KRIT1: variants seen among roughly 807,000 people sequenced by gnomAD.
KRIT1 encodes the protein krev interaction trapped protein 1.
KRIT1 carries 45 observed loss-of-function variants against 95.8 expected under a neutral mutation model. The observed-to-expected ratio is 0.47, with a 90% CI of 0.37 to 0.60. The LOEUF (loss-of-function observed/expected upper bound fraction) is 0.60. Ranked by LOEUF, KRIT1 falls within the 20% of genes least tolerant of loss-of-function variation. The probability of loss-of-function intolerance (pLI) is 0.00; values close to 1 mark genes in which losing one functional copy is unlikely to be tolerated. For synonymous variants in KRIT1, 282 were observed against 278.8 expected (o/e 1.01, Z -0.11); for missense variants, 788 against 877.5 (o/e 0.90, Z 1.29).
At chr7:92,202,894 C>T (rs1392696654) in intron 17 of KRIT1, among the ~76,000 whole-genome samples, 4 of 152,164 alleles carry the variant, frequency 2.6e-5, no homozygotes, top group Admixed American at 2.6e-4. Flanking sequence ...AAAATAGCTA[C>T]TTATCAAGGT....
At chr7:92,226,396 A>G in intron 11 of KRIT1, 130 bp downstream of exon 11, 1 of 732,928 alleles carries the variant, frequency 1.4e-6, no homozygotes, top group South Asian at 1.6e-5. Context: ...TCCGTTACTT[A>G]TTCTATAAAG....
At chr7:92,214,561 A>C (rs1793557223) in intron 15 of KRIT1, 50 bp downstream of exon 15, 1 of 1,391,668 alleles carries the variant, frequency 7.2e-7, no homozygotes, top group South Asian at 1.2e-5. Flanking sequence ...TTCTTGGTTA[A>C]ACAGAATCTT....
intron 5 of KRIT1, among the ~76,000 whole-genome samples, chr7:92,238,496 A>G (rs903821525): frequency 6.6e-6 from 1 of 152,226 alleles, no homozygotes; most frequent in Non-Finnish European, 1.5e-5. Context: ...ATCAGAGCCA[A>G]TATTTGTGAT....
rs530673335 is a variant in KRIT1 at position 92,199,720 on chromosome 7, G to A, written c.*1016C>T. On this transcript the variant is annotated 3_prime_UTR_variant, in exon 19 of 19. Coordinates refer to ENST00000394505, the MANE Select transcript of KRIT1 (RefSeq NM_194454.3). ...GTGAAATTTCTCAACTTTAATAATCGAAATTCCTTATTGGGTCTGAAATTA... is the reference window on the plus strand; with the variant it reads ...GTGAAATTTCTCAACTTTAATAATCAAAATTCCTTATTGGGTCTGAAATTA... 3 of 152,206 alleles carry A rather than the reference G, an allele frequency of 2.0e-5. No homozygotes were observed. Among genetic ancestry groups the A allele is most frequent in the South Asian group, 2.1e-4 (1 of 4,824 alleles). 9.4% of individuals were successfully genotyped at this position (152,206 alleles called of 1,614,324 possible).
intron 5 of KRIT1, among the ~76,000 whole-genome samples, chr7:92,238,880 G>C (rs559426237): frequency 1.3e-5 from 2 of 152,102 alleles, no homozygotes; most frequent in Admixed American, 1.3e-4. Context: ...ACTACCTATC[G>C]ACAGGACCAA....
chr7:92,238,691 T>C lies in KRIT1; in HGVS notation c.263-932A>G, dbSNP rs1343033588. Among the ~76,000 whole-genome samples, 3 of 152,316 alleles carry C rather than the reference T, an allele frequency of 2.0e-5. No individual in the cohort carries two copies. The East Asian group carries it at 5.8e-4, about 29-fold the overall frequency. ...GCTGTTTCCCCAAATCCAGTTACGA[T>C]CCATTATTTAAATGCCTATTTTGCA... On this transcript the variant is annotated intron_variant, in intron 5 of 18. Coordinates refer to ENST00000394505, the MANE Select transcript of KRIT1 (RefSeq NM_194454.3).
chr7:92,236,877 T>C (rs528429239), intron 6 of KRIT1, among the ~76,000 whole-genome samples: 1 of 152,206 alleles, frequency 6.6e-6, no homozygotes, highest in Non-Finnish European at 1.5e-5. Flanking sequence ...TCTGGAATGC[T>C]ACAGCTGGCT....
intron 12 of KRIT1, among the ~76,000 whole-genome samples, chr7:92,224,697 T>C (rs1245475969): frequency 6.6e-6 from 1 of 152,140 alleles, no homozygotes; most frequent in Middle Eastern, 3.2e-3. Flanking sequence ...GTTAGCAGAA[T>C]AAAAAAGCTT....
intron 16 of KRIT1, among the ~76,000 whole-genome samples, 153 bp downstream of exon 16, chr7:92,213,739 T>C (rs561824469): frequency 3.9e-5 from 6 of 152,276 alleles, no homozygotes; most frequent in African/African-American, 1.4e-4. Context: ...TAAAAATATC[T>C]TGCTACTTTC....
At position 92,238,615 on chromosome 7, in the gene KRIT1, A is replaced by G. The variant is rs192703709; in HGVS notation, c.263-856T>C. Among the ~76,000 whole-genome samples, 12 of 152,290 alleles carry G rather than the reference A, an allele frequency of 7.9e-5. No individual in the cohort carries two copies. The East Asian group carries it at 2.3e-3, about 29-fold the overall frequency. The stretch of plus-strand genomic sequence containing the variant: ...CATTCTAATATACTTCAGAGGCACT[A>G]TTTCTTTTGTCTGGCTTGAAGTCTC... On this transcript the variant is annotated intron_variant, in intron 5 of 18. Transcript: ENST00000394505.
In KRIT1 at chr7:92,201,376, T is replaced by C; in HGVS notation, c.2073A>G (p.Gly691=). 6.2e-7 allele frequency: 1 copy of C among 1,601,618 alleles called. No individual in the cohort carries two copies. ...GGATCTGAAAACAAGTATCAGTATC[T>C]CCCAATTGCCACATAAAACAACCAT... The part of the protein sequence containing the change: ...LKYGCFMWQL[G]DTDTCFQIHS... The change falls in exon 18 of 19, where the codon GGA becomes GGG. Residue 691 remains glycine (G), a synonymous_variant. Coordinates refer to ENST00000394505, the MANE Select transcript of KRIT1 (RefSeq NM_194454.3).
intron 10 of KRIT1, 105 bp from the exon 11 acceptor site, chr7:92,226,787 G>A: frequency 2.1e-6 from 2 of 966,680 alleles, no homozygotes; most frequent in Non-Finnish European, 1.6e-6. Context: ...ATATCTCAAA[G>A]AAATCTAAGA....
At position 92,242,090 on chromosome 7, in the gene KRIT1, G is replaced by C; in HGVS notation, c.46C>G (p.Arg16Gly). 6.2e-7 allele frequency: 1 copy of C among 1,603,392 alleles called. No homozygotes were observed. The highest frequency in any genetic ancestry group is 8.5e-7 in the Non-Finnish European group (1 of 1,170,994). ...NIEDAYVAVIRPKNTASLNSR... is the reference protein window; with the variant it reads ...NIEDAYVAVIGPKNTASLNSR... The stretch of plus-strand genomic sequence containing the variant: ...TTGAGACTGGCAGTATTCTTTGGAC[G>C]AATAACAGCAACATATGCATCTTCT... The change falls in exon 4 of 19, where the codon CGT becomes GGT. Residue 16 changes from arginine to glycine, a missense_variant. By Grantham distance (125) the Arg-to-Gly change is moderately radical (BLOSUM62 -2). Coordinates refer to ENST00000394505, the MANE Select transcript of KRIT1 (RefSeq NM_194454.3).
At chr7:92,226,439 T>C (rs964837905) in intron 11 of KRIT1, 87 bp downstream of exon 11, 1 of 1,018,020 alleles carries the variant, frequency 9.8e-7, no homozygotes, top group African/African-American at 1.6e-5. Context: ...TCAGATGAAC[T>C]CTCAAACATA....
At chr7:92,228,125 G>A (rs1381059694) in intron 10 of KRIT1, among the ~76,000 whole-genome samples, 1 of 152,186 alleles carries the variant, frequency 6.6e-6, no homozygotes, top group Non-Finnish European at 1.5e-5. Flanking sequence ...AAAGTGGTGG[G>A]ATTAGAGGCG....
In KRIT1 at chr7:92,236,818, C is replaced by T. The variant is rs140792236; in HGVS notation, c.356-276G>A. On this transcript the variant is annotated intron_variant, in intron 6 of 18. Coordinates refer to ENST00000394505, the MANE Select transcript of KRIT1 (RefSeq NM_194454.3). ...AAACTCATTAATAAGATTTCCAATG[C>T]TACTTAAGATACTGAACTTTTTAAC... is the stretch of plus-strand genomic sequence containing the variant. 4.2e-3 allele frequency among the ~76,000 whole-genome samples: 636 copies of T among 152,190 alleles called. 3 individuals carry two copies. The highest frequency in any genetic ancestry group is 7.5e-3 in the Non-Finnish European group (513 of 67,992).
intron 17 of KRIT1, 62 bp from the exon 18 acceptor site, chr7:92,201,485 TTACTATC>T (rs1790132803): frequency 1.2e-6 from 1 of 826,368 alleles, no homozygotes; most frequent in African/African-American, 1.7e-5. Context: ...CTATTTTCTC[TTACTATC>T]TACATTTATG....
chr7:92,243,514 T>G (rs922789699), intron 3 of KRIT1, among the ~76,000 whole-genome samples: 1 of 151,804 alleles, frequency 6.6e-6, no homozygotes, highest in Non-Finnish European at 1.5e-5. Flanking sequence ...ACTCTCAAGA[T>G]AGACCATTTT....
intron 17 of KRIT1, chr7:92,206,345 C>A (rs1057255249): frequency 3.3e-5 from 5 of 152,384 alleles, no homozygotes; most frequent in African/African-American, 1.2e-4. Flanking sequence ...GCATGCCCTG[C>A]CTACTGGCAC....
Sources: allele counts gnomAD v4.1 joint callset (sites outside exome capture counted in the v4.1 genomes callset), GRCh38; gene constraint gnomAD v4.1.1; transcripts MANE v1.5; gene names NCBI Gene and HGNC (gene_info 2026-07-23, HGNC 2026-07-21).